PHKB: variants seen among roughly 807,000 people sequenced by gnomAD.
PHKB encodes the protein phosphorylase b kinase regulatory subunit beta.
Under a neutral mutation model 152.1 loss-of-function variants are expected in PHKB, and 122 were observed. That is an observed-to-expected ratio of 0.80 (90% CI 0.69 to 0.93). The LOEUF (loss-of-function observed/expected upper bound fraction) is 0.93. Among genes scored for constraint, PHKB ranks in the 40% least tolerant of loss-of-function variants. PHKB has a pLI of 0.00. For synonymous variants in PHKB, 436 were observed against 464.9 expected (o/e 0.94, Z 0.80); for missense variants, 1,304 against 1,328.4 (o/e 0.98, Z 0.29).
intron 30 of PHKB, 90 bp downstream of exon 30, chr16:47,698,678 C>T (rs1335069503): frequency 8.0e-6 from 9 of 1,124,994 alleles, no homozygotes; most frequent in Non-Finnish European, 1.1e-5. Context: ...TTTTCATTTA[C>T]TTTATAAAAC....
intron 26 of PHKB, among the ~76,000 whole-genome samples, chr16:47,677,112 C>T (rs1973745964): frequency 6.6e-6 from 1 of 152,170 alleles, no homozygotes; most frequent in South Asian, 2.1e-4. Context: ...AAAATAATTA[C>T]AGCACCAAGT....
chr16:47,690,697 G>T (rs1319666248), intron 27 of PHKB, among the ~76,000 whole-genome samples: 1 of 152,072 alleles, frequency 6.6e-6, no homozygotes, highest in African/African-American at 2.4e-5. Flanking sequence ...AAATACAATA[G>T]TTACCATTGT....
rs139386841 is a variant in PHKB, at chr16:47,528,722, G to A, written c.594+13121G>A. On this transcript the variant is annotated intron_variant, in intron 6 of 30. Coordinates refer to ENST00000323584, the MANE Select transcript of PHKB (RefSeq NM_000293.3). ...TTTTTTTTTTTTTTTTTATTTTGAC[G>A]GAGTCTCACTGTCTCCCAGGCTGGA... 5.4e-3 allele frequency among the ~76,000 whole-genome samples: 759 copies of A among 140,532 alleles called. 9 individuals are homozygous for A. Among genetic ancestry groups the A allele is most frequent in the African/African-American group, 0.018 (702 of 38,116 alleles). 92.2% of individuals were successfully genotyped at this position (140,532 alleles called of 152,430 possible).
intron 14 of PHKB, among the ~76,000 whole-genome samples, chr16:47,623,608 A>G (rs1303607724): frequency 1.5e-5 from 2 of 134,642 alleles, no homozygotes; most frequent in African/African-American, 2.9e-5. Flanking sequence ...CTTGTTGCCC[A>G]GGCTGGAGTG....
At chr16:47,556,728 C>A (rs1331085012) in intron 7 of PHKB, among the ~76,000 whole-genome samples, 3 of 152,082 alleles carry the variant, frequency 2.0e-5, no homozygotes, top group Admixed American at 6.6e-5. Flanking sequence ...GTCTAAAATT[C>A]TCTTTTTTGG....
intron 6 of PHKB, among the ~76,000 whole-genome samples, chr16:47,518,677 TA>T (rs1248389262): frequency 1.3e-5 from 2 of 152,196 alleles, no homozygotes; most frequent in Non-Finnish European, 2.9e-5. Flanking sequence ...TTATTAAAAA[TA>T]AAAACTTTGA....
In PHKB at chr16:47,664,869, C is replaced by G. The variant is rs1173313714; in HGVS notation, c.2337-16C>G. On this transcript the variant is annotated splice_polypyrimidine_tract_variant and intron_variant, in intron 24 of 30. Coordinates refer to ENST00000323584, the MANE Select transcript of PHKB (RefSeq NM_000293.3). ...ACTCTATTTTCCCTTTTATGGCTTT[C>G]CACTGACACACCCAGGTTGGCGGTG... is the stretch of plus-strand genomic sequence containing the variant. 6.3e-7 allele frequency: 1 copy of G among 1,588,918 alleles called. No homozygotes were observed. Among genetic ancestry groups the G allele is most frequent in the East Asian group, 2.2e-5 (1 of 44,742 alleles).
chr16:47,516,285 A>G (rs1970595925), intron 6 of PHKB, among the ~76,000 whole-genome samples: 1 of 152,184 alleles, frequency 6.6e-6, no homozygotes. Flanking sequence ...GTAAAGAGAA[A>G]CTTTTATCCT....
At chr16:47,584,148 C>T (rs1174927717) in intron 8 of PHKB, among the ~76,000 whole-genome samples, 1 of 151,670 alleles carries the variant, frequency 6.6e-6, no homozygotes, top group Non-Finnish European at 1.5e-5. Flanking sequence ...ATAAAAAGGC[C>T]TAGTTTCCAT....
chr16:47,483,613 G>A (rs966650286), intron 1 of PHKB, among the ~76,000 whole-genome samples: 5 of 152,100 alleles, frequency 3.3e-5, no homozygotes, highest in South Asian at 2.1e-4. Context: ...TGGTCAAATC[G>A]TTTTTTAATC....
At chr16:47,580,992 G>A (rs924314629) in intron 8 of PHKB, among the ~76,000 whole-genome samples, 3 of 152,162 alleles carry the variant, frequency 2.0e-5, no homozygotes, top group African/African-American at 7.2e-5. Context: ...AGGAATAGAG[G>A]TTACTACTCT....
chr16:47,537,582 T>A (rs1970973409), intron 6 of PHKB, among the ~76,000 whole-genome samples: 1 of 152,222 alleles, frequency 6.6e-6, no homozygotes, highest in African/African-American at 2.4e-5. Context: ...GTCTGGTTTC[T>A]TGGGCCTACT....
At chr16:47,604,521 A>C (rs1191545985) in intron 13 of PHKB, among the ~76,000 whole-genome samples, 4 of 152,182 alleles carry the variant, frequency 2.6e-5, no homozygotes, top group African/African-American at 7.2e-5. Context: ...TTCATAATAC[A>C]TGTGTTACTA....
chr16:47,650,585 A>G lies in PHKB; in HGVS notation c.1839A>G (p.Gly613=), dbSNP rs1258307598. Reference sequence around the variant, plus strand: ...TTAAACAATATTGGAAAATGCATGGACGTCCACTTTTCCTTGTTCTCATCC... The same window carrying G: ...TTAAACAATATTGGAAAATGCATGGGCGTCCACTTTTCCTTGTTCTCATCC... ...QFIKQYWKMH[G]RPLFLVLIRE... Residue 613 remains glycine, a synonymous_variant, in exon 19 of 31, where the codon GGA becomes GGG. Coordinates refer to ENST00000323584, the MANE Select transcript of PHKB (RefSeq NM_000293.3). 2.5e-6 allele frequency: 4 copies of G among 1,611,704 alleles called. No homozygotes were observed. The highest frequency in any genetic ancestry group is 1.7e-6 in the Non-Finnish European group (2 of 1,177,890).
intron 6 of PHKB, among the ~76,000 whole-genome samples, chr16:47,518,837 GA>G (rs1475550759): frequency 4.6e-5 from 7 of 152,076 alleles, no homozygotes; most frequent in Admixed American, 3.3e-4. Context: ...ACATCTGTTG[GA>G]GGGGGGCAAA....
intron 1 of PHKB, among the ~76,000 whole-genome samples, chr16:47,473,310 A>G (rs1241279519): frequency 1.4e-5 from 2 of 142,268 alleles, no homozygotes; most frequent in Admixed American, 7.6e-5. Context: ...CCCAGTCTCA[A>G]GCACTCCTCC....
intron 7 of PHKB, among the ~76,000 whole-genome samples, chr16:47,550,859 G>A (rs549569876): frequency 1.4e-3 from 220 of 152,218 alleles, no homozygotes; most frequent in Non-Finnish European, 2.6e-3. Flanking sequence ...GGTTTTTTTG[G>A]TTGGTAGGCT....
chr16:47,604,751 C>T (rs2151706364), intron 13 of PHKB, among the ~76,000 whole-genome samples: 1 of 151,454 alleles, frequency 6.6e-6, no homozygotes, highest in East Asian at 1.9e-4. Context: ...TGGGGTGAGC[C>T]CAGGGTATAT....
chr16:47,570,744 T>C (rs188536500), intron 7 of PHKB, among the ~76,000 whole-genome samples: 1 of 152,166 alleles, frequency 6.6e-6, no homozygotes, highest in Admixed American at 6.5e-5. Context: ...TGAGTAACTT[T>C]ATAATGAATA....
Sources: allele counts gnomAD v4.1 joint callset (sites outside exome capture counted in the v4.1 genomes callset), GRCh38; gene constraint gnomAD v4.1.1; transcripts MANE v1.5; gene names NCBI Gene and HGNC (gene_info 2026-07-23, HGNC 2026-07-21).